DMD: variants seen among roughly 807,000 people sequenced by gnomAD.
DMD encodes the protein mutant dystrophin.
In DMD, 63 loss-of-function variants were observed where a neutral mutation model predicts 330.1. The observed-to-expected ratio is 0.19, with a 90% CI of 0.16 to 0.24. DMD has a LOEUF of 0.24. Ranked by LOEUF, DMD falls within the 10% of genes least tolerant of loss-of-function variation. The pLI is 1.00. For missense variants in DMD, 3,344 were observed against 2,684.1 expected (o/e 1.25, Z -5.43); for synonymous variants, 1,223 against 959.8 (o/e 1.27, Z -5.07).
At chrX:32,586,043 T>A (rs2054257622) in intron 13 of DMD, among the ~76,000 whole-genome samples, 2 of 111,509 alleles carry the variant, frequency 1.8e-5, no homozygotes, top group Admixed American at 1.9e-4. Flanking sequence ...ATTAGAATAT[T>A]CAACATTTAT....
chrX:31,537,117 A>G (rs1194631289), intron 55 of DMD, among the ~76,000 whole-genome samples: 1 of 112,349 alleles, frequency 8.9e-6, no homozygotes, highest in Non-Finnish European at 1.9e-5. Flanking sequence ...CACTGAAATC[A>G]CTTGCATAAA....
At chrX:32,934,467 C>A (rs181152936) in intron 2 of DMD, among the ~76,000 whole-genome samples, 44 of 110,424 alleles carry the variant, frequency 4.0e-4, no homozygotes, top group Admixed American at 3.9e-3. Flanking sequence ...TTGCTTGAAC[C>A]TAGGGGTTCA....
intron 62 of DMD, among the ~76,000 whole-genome samples, chrX:31,265,496 T>A (rs187538270): frequency 0.015 from 1,664 of 111,246 alleles, 11 homozygotes; most frequent in Non-Finnish European, 0.023. Flanking sequence ...TCGGTGGCTG[T>A]TCCAGCTGTT....
At chrX:31,593,904 AATATTT>A (rs1219799751) in intron 55 of DMD, among the ~76,000 whole-genome samples, 1 of 111,720 alleles carries the variant, frequency 9.0e-6, no homozygotes, top group Non-Finnish European at 1.9e-5. Flanking sequence ...ATAATTAAAC[AATATTT>A]ATATTATCAA....
chrX:32,293,691 A>G (rs970146544), intron 42 of DMD, among the ~76,000 whole-genome samples: 1 of 111,856 alleles, frequency 8.9e-6, no homozygotes, highest in Non-Finnish European at 1.9e-5. Flanking sequence ...ATATTGATAA[A>G]AACAAAACTC....
intron 2 of DMD, among the ~76,000 whole-genome samples, chrX:32,883,846 AAAAAAG>A (rs2084252921): frequency 9.8e-6 from 1 of 101,965 alleles, no homozygotes; most frequent in African/African-American, 3.7e-5. Flanking sequence ...AAAAAAAAAA[AAAAAAG>A]AAAATGACTT....
At chrX:32,418,704 T>TA (rs752790807) in intron 29 of DMD, among the ~76,000 whole-genome samples, 1 of 111,050 alleles carries the variant, frequency 9.0e-6, no homozygotes, top group African/African-American at 3.3e-5. Flanking sequence ...AATTGGTTCT[T>TA]ACAATTTTTA....
chrX:32,758,201 T>A (rs2071758828), intron 7 of DMD, among the ~76,000 whole-genome samples: 1 of 111,940 alleles, frequency 8.9e-6, no homozygotes, highest in South Asian at 3.7e-4. Context: ...TCTGTCAGGC[T>A]TTGCTTTGGG....
chrX:33,107,716 A>G (rs1426730875), intron 1 of DMD, among the ~76,000 whole-genome samples: 1 of 111,773 alleles, frequency 8.9e-6, no homozygotes, highest in East Asian at 2.8e-4. Context: ...CATTAACTTT[A>G]GTGGAGGACA....
chrX:33,019,827 G>A (rs1027011730), intron 2 of DMD, among the ~76,000 whole-genome samples: 4 of 111,172 alleles, frequency 3.6e-5, no homozygotes, highest in African/African-American at 6.5e-5. Flanking sequence ...TTCTTCTGCT[G>A]GGTGACATAT....
intron 29 of DMD, among the ~76,000 whole-genome samples, chrX:32,435,467 C>T (rs6631579): frequency 9.4e-6 from 1 of 105,883 alleles, no homozygotes; most frequent in Non-Finnish European, 1.9e-5. Context: ...ATATTTTGCT[C>T]ACAAAAAAAA....
intron 43 of DMD, among the ~76,000 whole-genome samples, chrX:32,247,645 A>G (rs1041994676): frequency 9.0e-6 from 1 of 111,068 alleles, no homozygotes; most frequent in African/African-American, 3.3e-5. Context: ...CAATTCAAGG[A>G]TCATCTCACC....
chrX:32,438,893 C>G, intron 28 of DMD, among the ~76,000 whole-genome samples: 1 of 111,623 alleles, frequency 9.0e-6, no homozygotes, highest in Non-Finnish European at 1.9e-5. Flanking sequence ...AGTGCCTACT[C>G]GCCTCATAAT....
At chrX:33,001,540 C>CA (rs1235783093) in intron 2 of DMD, among the ~76,000 whole-genome samples, 1 of 104,637 alleles carries the variant, frequency 9.6e-6, no homozygotes, top group East Asian at 3.1e-4. Flanking sequence ...TTTAGACATT[C>CA]AGAGTTCTCA....
intron 44 of DMD, among the ~76,000 whole-genome samples, chrX:32,102,437 G>A (rs757062308): frequency 2.7e-5 from 3 of 110,614 alleles, no homozygotes; most frequent in Non-Finnish European, 5.7e-5. Context: ...AGGACAGACT[G>A]GAAAATTTTA....
intron 11 of DMD, among the ~76,000 whole-genome samples, chrX:32,634,237 A>T (rs2058936309): frequency 8.9e-6 from 1 of 111,768 alleles, no homozygotes; most frequent in African/African-American, 3.3e-5. Context: ...GTCAGTCCTG[A>T]GTCTCTCCCT....
At chrX:32,706,507 C>CAA (rs1269167523) in intron 7 of DMD, among the ~76,000 whole-genome samples, 1 of 109,515 alleles carries the variant, frequency 9.1e-6, no homozygotes, top group Non-Finnish European at 1.9e-5. Context: ...GAGGTTGCAG[C>CAA]AAGCTGAGAT....
At chrX:32,964,478 T>C (rs1454656804) in intron 2 of DMD, among the ~76,000 whole-genome samples, 3 of 110,045 alleles carry the variant, frequency 2.7e-5, no homozygotes, top group African/African-American at 1.0e-4. Flanking sequence ...AAAGCAAAGG[T>C]GGGTGGATCA....
intron 44 of DMD, among the ~76,000 whole-genome samples, chrX:32,149,317 T>G (rs376700017): frequency 2.7e-5 from 3 of 111,887 alleles, no homozygotes; most frequent in Non-Finnish European, 5.6e-5. Flanking sequence ...TAGGATATTA[T>G]GCACCGAAAA....
Sources: gnomAD v4.1 joint callset for allele counts (sites outside exome capture counted in the v4.1 genomes callset) on GRCh38, gnomAD v4.1.1 for gene constraint, MANE v1.5 for transcripts, NCBI Gene and HGNC (gene_info 2026-07-23, HGNC 2026-07-21) for gene names.